FAM124A: variants seen among roughly 807,000 people sequenced by gnomAD.
FAM124A encodes family with sequence similarity 124 member A.
FAM124A carries 23 observed loss-of-function variants against 24.5 expected under a neutral mutation model. The observed-to-expected ratio is 0.94, with a 90% CI of 0.68 to 1.33. The LOEUF (loss-of-function observed/expected upper bound fraction) is 1.33, where lower values mean the gene tolerates loss of function less well. Ranked by LOEUF, FAM124A falls within the 40% of genes most tolerant of loss-of-function variation. The pLI, the probability that FAM124A is intolerant of heterozygous loss-of-function variation, is 0.00. For missense variants in FAM124A, 623 were observed against 722.8 expected, an observed-to-expected ratio of 0.86 and a Z score of 1.58; for synonymous variants, 287 against 314.7, an observed-to-expected ratio of 0.91 and a Z score of 0.93.
At chr13:51,243,352 T>TA (rs1954520819) in intron 2 of FAM124A, among the ~76,000 whole-genome samples, 1 of 152,194 alleles carries the variant, frequency 6.6e-6, no homozygotes, top group Non-Finnish European at 1.5e-5. Flanking sequence ...GGTTATTCAT[T>TA]ACATTCCGGA....
At chr13:51,238,107 G>C (rs930975378) in intron 2 of FAM124A, among the ~76,000 whole-genome samples, 1 of 152,160 alleles carries the variant, frequency 6.6e-6, no homozygotes, top group Non-Finnish European at 1.5e-5. Flanking sequence ...CTTAGGTTTT[G>C]GCTCAGCCAC....
chr13:51,282,344 T>C lies in FAM124A; in HGVS notation c.*1088T>C, dbSNP rs908186830. 6.6e-6 allele frequency: 1 copy of C among 152,220 alleles called. No individual in the cohort carries two copies. Among genetic ancestry groups the C allele is most frequent in the Non-Finnish European group, 1.5e-5 (1 of 68,032 alleles). 9.4% of individuals were successfully genotyped at this position (152,220 alleles called of 1,614,324 possible). A position where few individuals can be genotyped will look rare whatever the true frequency, so the allele number is the denominator to read the frequency against. On this transcript the variant is annotated 3_prime_UTR_variant, in exon 4 of 4. Coordinates refer to ENST00000322475, the MANE Select transcript of FAM124A (RefSeq NM_001242312.2). The stretch of plus-strand genomic sequence containing the variant: ...AAACGCTCTCCTGAACAAACACCAG[T>C]GCACTGCCAGCCTCACATGATTGCA...
intron 2 of FAM124A, among the ~76,000 whole-genome samples, chr13:51,237,482 G>A (rs762343301): frequency 5.9e-5 from 9 of 152,094 alleles, no homozygotes; most frequent in Non-Finnish European, 7.4e-5. Context: ...ATGTTTATTC[G>A]CAAAACTCTT....
rs1361259374 is a variant in FAM124A, at chr13:51,252,118, C to G, written c.751C>G (p.Pro251Ala). Residue 251 changes from proline to alanine, a missense_variant, in exon 3 of 4, where the codon CCT (proline) becomes GCT (alanine). Coordinates refer to ENST00000322475, the MANE Select transcript of FAM124A (RefSeq NM_001242312.2). Reference sequence around the variant, plus strand: ...AGTGAGGGACATAGGCGAGCTCGTGCCTCTCCTGCCCAACCCTTGCAGCCC... The same window carrying G: ...AGTGAGGGACATAGGCGAGCTCGTGGCTCTCCTGCCCAACCCTTGCAGCCC... Reference protein sequence around the residue: ...FRVRDIGELVPLLPNPCSPIS... With the variant: ...FRVRDIGELVALLPNPCSPIS... The G allele has an allele frequency of 6.2e-7, 1 of 1,613,942 alleles. No homozygotes were observed. The highest frequency in any genetic ancestry group is 8.5e-7 in the Non-Finnish European group (1 of 1,180,054).
chr13:51,276,733 A>G (rs778540516), intron 3 of FAM124A, among the ~76,000 whole-genome samples: 11 of 152,224 alleles, frequency 7.2e-5, no homozygotes, highest in Non-Finnish European at 1.3e-4. Context: ...TGATTTCTCA[A>G]TGTGAACCCG....
rs1327207250 is a variant in FAM124A at position 51,222,516 on chromosome 13, G to GGGC, written c.26_28dup (p.Gly9dup). On this transcript the variant is annotated inframe_insertion, in exon 1 of 4. Transcript: ENST00000322475. ...GGACGTGCACCATGGACCCAAAGGC[G>GGGC]GGCGGCGGCGGCGAGGAGGACGACT... The GGGC allele has an allele frequency of 4.1e-6, 5 of 1,225,722 alleles. No individual in the cohort carries two copies. The highest frequency in any genetic ancestry group is 5.1e-6 in the Non-Finnish European group (5 of 985,444). The allele number at this position is 1,225,722 out of a possible 1,614,324, so 75.9% of individuals were successfully genotyped here. A position where few individuals can be genotyped will look rare whatever the true frequency, so the allele number is the denominator to read the frequency against.
chr13:51,257,973 A>G (rs1023030651), intron 3 of FAM124A, among the ~76,000 whole-genome samples: 8 of 152,254 alleles, frequency 5.3e-5, no homozygotes, highest in Admixed American at 2.6e-4. Flanking sequence ...TCTGGAGGCT[A>G]GAAGTCCAAA....
At chr13:51,222,596 G>A in intron 1 of FAM124A, 27 bp downstream of exon 1, 1 of 1,219,382 alleles carries the variant, frequency 8.2e-7, no homozygotes, top group Non-Finnish European at 1.0e-6. Flanking sequence ...CGGGCCGCGG[G>A]CGGGGGGCGC....
In FAM124A at chr13:51,280,818, C is replaced by G; in HGVS notation, c.1203C>G (p.Leu401=). Residue 401 remains leucine (L), a synonymous_variant, in exon 4 of 4, where the codon CTC becomes CTG. Coordinates refer to ENST00000322475, the MANE Select transcript of FAM124A (RefSeq NM_001242312.2). ...CAGAGTGGAGGCATGGCCACCTCCT[C>G]TCCATCGATGACCTAGAGGGGGCCC... The part of the protein sequence containing the change: ...RASEWRHGHL[L]SIDDLEGAQE... The G allele has an allele frequency of 1.2e-6, 2 of 1,614,176 alleles. No individual in the cohort carries two copies. The highest frequency in any genetic ancestry group is 1.7e-6 in the Non-Finnish European group (2 of 1,180,040).
rs141411725 is a variant in FAM124A, at chr13:51,262,177, C to T, written c.834+9976C>T. On this transcript the variant is annotated intron_variant, in intron 3 of 3. Coordinates refer to ENST00000322475, the MANE Select transcript of FAM124A (RefSeq NM_001242312.2). ...TCAAAAAGCAGAGACCAAATCCTGT[C>T]TGTCCTGCGACCTGCCAGCTTTGTC... Among the ~76,000 whole-genome samples the T allele has an allele frequency of 3.9e-3, 592 of 152,350 alleles. 2 individuals are homozygous for T. Among genetic ancestry groups the T allele is most frequent in the African/African-American group, 0.013 (560 of 41,578 alleles).
chr13:51,238,290 G>A (rs1042525534), intron 2 of FAM124A, among the ~76,000 whole-genome samples: 8 of 152,212 alleles, frequency 5.3e-5, no homozygotes, highest in Non-Finnish European at 7.3e-5. Context: ...AGCATCACCA[G>A]GAGCTTGTTA....
chr13:51,250,574 G>T (rs1342145637), intron 2 of FAM124A, among the ~76,000 whole-genome samples: 1 of 152,182 alleles, frequency 6.6e-6, no homozygotes, highest in African/African-American at 2.4e-5. Context: ...ACAGTTTCAG[G>T]TGTTCCGCCA....
At chr13:51,280,273 G>A (rs1045789990) in intron 3 of FAM124A, among the ~76,000 whole-genome samples, 177 bp from the exon 4 acceptor site, 4 of 152,078 alleles carry the variant, frequency 2.6e-5, no homozygotes, top group Admixed American at 1.3e-4. Flanking sequence ...ACTCTTTCTG[G>A]TGCTCCTCAA....
At chr13:51,235,709 C>T (rs989517552) in intron 2 of FAM124A, among the ~76,000 whole-genome samples, 2 of 152,200 alleles carry the variant, frequency 1.3e-5, no homozygotes, top group African/African-American at 4.8e-5. Context: ...TTATCTGGCA[C>T]CTTAGGAACT....
In FAM124A at chr13:51,280,597, C is replaced by T. The variant is rs1295217122; in HGVS notation, c.982C>T (p.Pro328Ser). Residue 328 changes from proline to serine, a missense_variant, in exon 4 of 4, where the codon CCG (proline) becomes TCG (serine). By Grantham distance (74) the Pro-to-Ser change is moderately conservative. Transcript: ENST00000322475. The part of the protein sequence containing the change: ...SQQSPLNSPH[P>S]GPIRTGLPPG... ...GCAGTCCCCGCTCAACAGTCCTCAC[C>T]CGGGGCCCATCCGGACAGGCCTGCC... The T allele has an allele frequency of 2.5e-6, 4 of 1,614,058 alleles. No individual in the cohort carries two copies. The highest frequency in any genetic ancestry group is 1.1e-5 in the South Asian group (1 of 91,092).
chr13:51,231,007 G>C (rs893609908), intron 1 of FAM124A, among the ~76,000 whole-genome samples: 20 of 152,206 alleles, frequency 1.3e-4, no homozygotes, highest in African/African-American at 4.1e-4. Flanking sequence ...CCTTTGGAGT[G>C]AATCTGTGAG....
Position 51,222,449 on chromosome 13 carries a change from G to A in FAM124A, c.-53G>A, listed in dbSNP as rs1954269658. The A allele has an allele frequency of 1.7e-6, 2 of 1,186,296 alleles. No individual in the cohort carries two copies. The highest frequency in any genetic ancestry group is 3.2e-5 in the African/African-American group (2 of 62,384). 73.5% of individuals were successfully genotyped at this position (1,186,296 alleles called of 1,614,324 possible). On this transcript the variant is annotated 5_prime_UTR_variant, in exon 1 of 4. Transcript: ENST00000322475. Reference sequence around the variant, plus strand: ...TCGGACTGGGCGGCCGGGAGGGAGGGCGCCCCGGGTCACGACGGCGCCCGC... The same window carrying A: ...TCGGACTGGGCGGCCGGGAGGGAGGACGCCCCGGGTCACGACGGCGCCCGC...
intron 3 of FAM124A, among the ~76,000 whole-genome samples, chr13:51,279,761 G>A (rs910070988): frequency 6.6e-6 from 1 of 152,162 alleles, no homozygotes; most frequent in African/African-American, 2.4e-5. Context: ...GTCAGCAGGC[G>A]GCAGCTCCCT....
At chr13:51,278,782 A>T (rs1434679185) in intron 3 of FAM124A, among the ~76,000 whole-genome samples, 1 of 152,214 alleles carries the variant, frequency 6.6e-6, no homozygotes, top group Non-Finnish European at 1.5e-5. Flanking sequence ...TCTGTTAAAC[A>T]AGCACAGTCG....
Sources: gnomAD v4.1 joint callset for allele counts (sites outside exome capture counted in the v4.1 genomes callset) on GRCh38, gnomAD v4.1.1 for gene constraint, MANE v1.5 for transcripts, NCBI Gene and HGNC (gene_info 2026-07-23, HGNC 2026-07-21) for gene names.